The following DPP6 variants were observed in gnomAD, a reference collection of about 807,000 sequenced individuals.
The protein encoded by DPP6 is dipeptidyl peptidase like 6.
DPP6 carries 69 observed loss-of-function variants against 122.6 expected under a neutral mutation model. The ratio of observed to expected loss-of-function variants is 0.56; its 90% CI spans 0.46 to 0.69. The LOEUF (loss-of-function observed/expected upper bound fraction) is 0.69, where lower values mean the gene tolerates loss of function less well. Among genes scored for constraint, DPP6 ranks in the 30% least tolerant of loss-of-function variants. The pLI, the probability that DPP6 is intolerant of heterozygous loss-of-function variation, is 0.00. For missense variants in DPP6, 928 were observed against 1,116.9 expected, an observed-to-expected ratio of 0.83 and a Z score of 2.41; for synonymous variants, 418 against 433.1, an observed-to-expected ratio of 0.97 and a Z score of 0.43.
chr7:154,853,886 A>G, intron 17 of DPP6, 59 bp downstream of exon 17: 3 of 1,603,726 alleles, frequency 1.9e-6, no homozygotes, highest in African/African-American at 2.7e-5. Context: ...GAAGCAAAAC[A>G]CTCTATGAGA....
chr7:154,086,555 A>G (rs1262903252), intron 1 of DPP6, among the ~76,000 whole-genome samples: 1 of 150,328 alleles, frequency 6.7e-6, no homozygotes, highest in Non-Finnish European at 1.5e-5. Flanking sequence ...GTTTCTGAGC[A>G]TGGACCAGTT....
intron 7 of DPP6, among the ~76,000 whole-genome samples, chr7:154,721,813 G>A (rs972867170): frequency 1.3e-5 from 2 of 152,060 alleles, no homozygotes; most frequent in Non-Finnish European, 2.9e-5. Context: ...ATTCAGGCCA[G>A]CCACTGTTTT....
rs564363916 is a variant in DPP6, at chr7:154,618,562, C to T, written c.628-19259C>T. 6.6e-6 allele frequency among the ~76,000 whole-genome samples: 1 copy of T among 152,120 alleles called. No homozygotes were observed. The highest frequency in any genetic ancestry group is 6.5e-5 in the Admixed American group (1 of 15,270). On this transcript the variant is annotated intron_variant, in intron 5 of 25. Transcript: ENST00000377770. This position sits in a 1 kb window ranked among gnomAD's most constrained non-coding sequence, Gnocchi z 4.1. ...TATTTTTAATATAGCCCTGCATTTT[C>T]CTCATATGAAAGCAGAAACCCACAG...
chr7:154,789,884 T>G (rs547259120), intron 10 of DPP6, among the ~76,000 whole-genome samples: 13 of 152,312 alleles, frequency 8.5e-5, no homozygotes, highest in Non-Finnish European at 1.8e-4. Context: ...TACACCGACT[T>G]GATTTTTAGA....
intron 10 of DPP6, among the ~76,000 whole-genome samples, chr7:154,787,715 A>C (rs2150414719): frequency 6.6e-6 from 1 of 152,340 alleles, no homozygotes; most frequent in Non-Finnish European, 1.5e-5. Flanking sequence ...TAAGGTGCTA[A>C]AAAATGTACA....
At chr7:153,894,135 G>A (rs916117242) in intron 1 of DPP6, among the ~76,000 whole-genome samples, 3 of 152,080 alleles carry the variant, frequency 2.0e-5, no homozygotes, top group Admixed American at 2.0e-4. Flanking sequence ...AACTTCTTGG[G>A]GACTGCCCTG....
chr7:154,105,341 A>G (rs755106831), intron 1 of DPP6, among the ~76,000 whole-genome samples: 4 of 152,200 alleles, frequency 2.6e-5, no homozygotes, highest in Non-Finnish European at 5.9e-5. Context: ...AACAGAACCA[A>G]TCACAGGCAC....
At chr7:153,975,286 A>G (rs987511216) in intron 1 of DPP6, among the ~76,000 whole-genome samples, 4 of 151,594 alleles carry the variant, frequency 2.6e-5, no homozygotes, top group Non-Finnish European at 5.9e-5. Context: ...CTTCTGTGAA[A>G]CCACCCCTAG....
At chr7:153,852,486 C>T in the DPP6 span, among the ~76,000 whole-genome samples, 9 of 152,070 alleles carry the variant, frequency 5.9e-5, no homozygotes, top group South Asian at 8.3e-4. Context: ...CTCACTATCA[C>T]GAGGACAGTA....
chr7:154,422,185 A>G (rs1817523243), intron 1 of DPP6, among the ~76,000 whole-genome samples: 1 of 152,200 alleles, frequency 6.6e-6, no homozygotes, highest in Non-Finnish European at 1.5e-5. Context: ...TCTCTTGGTC[A>G]AGCCTCAAAT....
chr7:154,834,926 G>A lies in DPP6; in HGVS notation c.1667-18854G>A, dbSNP rs552997764. 5.3e-5 allele frequency among the ~76,000 whole-genome samples: 8 copies of A among 152,238 alleles called. No individual in the cohort carries two copies. In the South Asian group the frequency reaches 6.2e-4, roughly 12 times the overall value. The stretch of plus-strand genomic sequence containing the variant: ...TTGTGATAGTGACTGCTTCTGTGCC[G>A]TATTTCGCTGGCTTGGGGGTGTCTG... On this transcript the variant is annotated intron_variant, in intron 16 of 25. Transcript: ENST00000377770.
rs1420683544 is a variant in DPP6, at chr7:154,241,217, GTGTA to G, written c.243+188156_243+188159del. 1.6e-3 allele frequency among the ~76,000 whole-genome samples: 225 copies of G among 144,052 alleles called. 1 individual carries two copies. Among genetic ancestry groups the G allele is most frequent in the East Asian group, 0.01 (54 of 5,144 alleles). The allele number at this position is 144,052 out of a possible 152,430, so 94.5% of individuals were successfully genotyped here. On this transcript the variant is annotated intron_variant, in intron 1 of 25. Transcript: ENST00000377770. This position sits in a 1 kb window ranked among gnomAD's most constrained non-coding sequence, Gnocchi z 9.0. ...TGTGTGTGTGTGTGTGTGTGTGTGT[GTGTA>G]TATATATATAGAGAGAGAGAGAGAC...
At chr7:154,168,148 C>T (rs1797347736) in intron 1 of DPP6, among the ~76,000 whole-genome samples, 2 of 152,182 alleles carry the variant, frequency 1.3e-5, no homozygotes, top group South Asian at 4.1e-4. Context: ...ACTCTCTCTC[C>T]AGAGGTTGTG....
At chr7:154,189,806 A>G (rs998411587) in intron 1 of DPP6, among the ~76,000 whole-genome samples, 28 of 152,292 alleles carry the variant, frequency 1.8e-4, no homozygotes, top group African/African-American at 6.3e-4. Context: ...AACTGCTTTC[A>G]GCTCTGGGAG....
At chr7:154,295,975 C>G (rs1805514511) in intron 1 of DPP6, among the ~76,000 whole-genome samples, 1 of 142,110 alleles carries the variant, frequency 7.0e-6, no homozygotes, top group Non-Finnish European at 1.5e-5. Context: ...GACAGAGTCT[C>G]TCTCTGTCAC....
chr7:154,879,238 T>C (rs1282687708), intron 20 of DPP6, among the ~76,000 whole-genome samples: 6 of 141,104 alleles, frequency 4.3e-5, no homozygotes, highest in Admixed American at 7.0e-5. Context: ...AGTCCAGGAG[T>C]TCAATCAAGA....
chr7:153,912,543 G>A (rs1323027874), intron 1 of DPP6, among the ~76,000 whole-genome samples: 1 of 152,186 alleles, frequency 6.6e-6, no homozygotes, highest in Non-Finnish European at 1.5e-5. Flanking sequence ...ACTAAAAATT[G>A]CAGCATTTCC....
chr7:154,033,247 CAT>C (rs1286894811), intron 1 of DPP6, among the ~76,000 whole-genome samples: 1 of 152,290 alleles, frequency 6.6e-6, no homozygotes, highest in African/African-American at 2.4e-5. Flanking sequence ...TATCCTTTGA[CAT>C]AAATATATAC....
chr7:153,858,331 G>A, the DPP6 span, among the ~76,000 whole-genome samples: 1 of 152,180 alleles, frequency 6.6e-6, no homozygotes, highest in African/African-American at 2.4e-5. Context: ...CAGGGGATTG[G>A]TTCTGCTGGG....
Sources: gnomAD v4.1 joint callset for allele counts (sites outside exome capture counted in the v4.1 genomes callset) on GRCh38, gnomAD v4.1.1 for gene constraint, Gnocchi (gnomAD v3.1) non-coding constraint, MANE v1.5 for transcripts, NCBI Gene and HGNC (gene_info 2026-07-23, HGNC 2026-07-21) for gene names.